The following CNTNAP4 variants were observed in gnomAD, a reference collection of about 807,000 sequenced individuals.
CNTNAP4 encodes the protein contactin-associated protein-like 4.
A neutral mutation model predicts 148.4 loss-of-function variants in CNTNAP4; 98 were observed. That is an observed-to-expected ratio of 0.66 (90% confidence interval 0.56 to 0.78). The LOEUF is 0.78. Ranked by LOEUF, CNTNAP4 falls within the 30% of genes least tolerant of loss-of-function variation. The probability of loss-of-function intolerance (pLI) is 0.00; values close to 1 mark genes in which losing one functional copy is unlikely to be tolerated. For synonymous variants in CNTNAP4, 730 were observed against 565.1 expected, an observed-to-expected ratio of 1.29 and a Z score of -4.14; for missense variants, 1,935 against 1,565.6, an observed-to-expected ratio of 1.24 and a Z score of -3.98.
chr16:76,385,615 A>G (rs1353527247), intron 3 of CNTNAP4, among the ~76,000 whole-genome samples: 5 of 151,594 alleles, frequency 3.3e-5, no homozygotes, highest in African/African-American at 1.2e-4. Flanking sequence ...CGTGGAAATT[A>G]TGTTCTATAA....
intron 3 of CNTNAP4, among the ~76,000 whole-genome samples, chr16:76,362,361 C>G (rs1203685988): frequency 6.6e-6 from 1 of 152,138 alleles, no homozygotes; most frequent in East Asian, 1.9e-4. Context: ...CAATCCCTAT[C>G]AAAATCCCAG....
At chr16:76,440,270 C>G (rs2079983300) in intron 4 of CNTNAP4, among the ~76,000 whole-genome samples, 1 of 152,058 alleles carries the variant, frequency 6.6e-6, no homozygotes, top group Non-Finnish European at 1.5e-5. Context: ...TTTTCAATCA[C>G]TCTTTCATGA....
At chr16:76,431,450 TG>T (rs956323779) in intron 4 of CNTNAP4, among the ~76,000 whole-genome samples, 3 of 151,384 alleles carry the variant, frequency 2.0e-5, no homozygotes, top group Non-Finnish European at 4.4e-5. Context: ...AAGGTGGAGG[TG>T]GGGGGTTACC....
chr16:76,376,822 A>G (rs1181091628), intron 3 of CNTNAP4, among the ~76,000 whole-genome samples: 4 of 152,174 alleles, frequency 2.6e-5, no homozygotes, highest in Admixed American at 2.6e-4. Flanking sequence ...AGAACCATGT[A>G]GAAAAGGAAG....
intron 13 of CNTNAP4, among the ~76,000 whole-genome samples, chr16:76,491,228 T>C (rs772227821): frequency 6.6e-6 from 1 of 152,118 alleles, no homozygotes; most frequent in Non-Finnish European, 1.5e-5. Context: ...CACACCAAAC[T>C]TACCTCCTCC....
intron 4 of CNTNAP4, among the ~76,000 whole-genome samples, chr16:76,446,718 A>G (rs1270622762): frequency 1.3e-5 from 2 of 152,166 alleles, no homozygotes; most frequent in South Asian, 2.1e-4. Flanking sequence ...AAATACTACC[A>G]CTTAGCCACA....
In CNTNAP4 at chr16:76,386,351, C is replaced by T. The variant is rs558977684; in HGVS notation, c.390+30840C>T. Among the ~76,000 whole-genome samples, 37 of 152,184 alleles carry T rather than the reference C, an allele frequency of 2.4e-4. 1 individual carries two copies. Among genetic ancestry groups the T allele is most frequent in the Middle Eastern group, 3.4e-3 (1 of 294 alleles). On this transcript the variant is annotated intron_variant, in intron 3 of 23. Coordinates refer to ENST00000611870, the MANE Select transcript of CNTNAP4 (RefSeq NM_033401.5). ...ATGAGCAATTTTTTAAAATTGGAAA[C>T]TGCCCTTTGCCTTCTCAGTGGTACA... is the stretch of plus-strand genomic sequence containing the variant.
intron 17 of CNTNAP4, among the ~76,000 whole-genome samples, chr16:76,530,958 C>T (rs2083957888): frequency 6.6e-6 from 1 of 152,190 alleles, no homozygotes; most frequent in Admixed American, 6.5e-5. Flanking sequence ...TGGTCCTGGG[C>T]CCAGCCTGCA....
chr16:76,418,411 A>T (rs111841470), intron 3 of CNTNAP4, among the ~76,000 whole-genome samples: 45,522 of 133,780 alleles, frequency 0.34, 7,820 homozygotes, highest in Middle Eastern at 0.49. Context: ...ATATATTTTT[A>T]TTATACTTTA....
chr16:76,302,910 T>A (rs1469029064), intron 1 of CNTNAP4, among the ~76,000 whole-genome samples: 2 of 152,120 alleles, frequency 1.3e-5, no homozygotes, highest in African/African-American at 4.8e-5. Context: ...GCTGGAAACA[T>A]TTGAGTGTCC....
intron 1 of CNTNAP4, among the ~76,000 whole-genome samples, chr16:76,303,288 T>G (rs1370850639): frequency 1.3e-5 from 2 of 152,142 alleles, no homozygotes; most frequent in African/African-American, 4.8e-5. Context: ...GCAGGAAAAT[T>G]CCTTATCACT....
intron 4 of CNTNAP4, among the ~76,000 whole-genome samples, chr16:76,444,295 A>G (rs1460080942): frequency 2.0e-5 from 3 of 152,204 alleles, no homozygotes; most frequent in Non-Finnish European, 4.4e-5. Context: ...GGCCTTAATT[A>G]TTATTCATTC....
chr16:76,352,115 T>G (rs2011870502), intron 2 of CNTNAP4, among the ~76,000 whole-genome samples: 1 of 152,166 alleles, frequency 6.6e-6, no homozygotes, highest in Admixed American at 6.5e-5. Flanking sequence ...GGGCATTTCA[T>G]TCACCCTTTC....
At chr16:76,517,163 A>G (rs1201846269) in intron 15 of CNTNAP4, among the ~76,000 whole-genome samples, 2 of 152,208 alleles carry the variant, frequency 1.3e-5, no homozygotes, top group Non-Finnish European at 2.9e-5. Flanking sequence ...TGACAAAATT[A>G]TAGAAATGAG....
chr16:76,525,258 C>T (rs1422534444), intron 17 of CNTNAP4, among the ~76,000 whole-genome samples: 1 of 151,240 alleles, frequency 6.6e-6, no homozygotes, highest in African/African-American at 2.4e-5. Flanking sequence ...AAAGTTTATA[C>T]TGAATTAGAG....
intron 2 of CNTNAP4, among the ~76,000 whole-genome samples, chr16:76,347,348 C>A (rs1964993957): frequency 2.0e-5 from 3 of 152,200 alleles, no homozygotes; most frequent in Admixed American, 6.5e-5. Context: ...GCAGTAAATA[C>A]TTTTTTAAGC....
intron 9 of CNTNAP4, among the ~76,000 whole-genome samples, chr16:76,465,581 A>G (rs757511798): frequency 6.6e-6 from 1 of 152,166 alleles, no homozygotes. Context: ...AGAGTTATTT[A>G]TATGCCTGGC....
intron 10 of CNTNAP4, 26 bp from the exon 11 acceptor site, chr16:76,475,913 G>T: frequency 6.5e-7 from 1 of 1,533,426 alleles, no homozygotes; most frequent in East Asian, 2.2e-5. Context: ...ATGGAAACTG[G>T]TGATTGTATC....
rs1357514101 is a variant in CNTNAP4, at chr16:76,355,416, G to A, written c.295G>A (p.Gly99Arg). Reference protein sequence around the residue: ...MEVTAVATQGGYGSSNWVTSY... With the variant: ...MEVTAVATQGRYGSSNWVTSY... ...GGTCACCGCTGTGGCCACTCAAGGG[G>A]GATATGGTAGCTCCAACTGGGTGAC... The change falls in exon 3 of 24, where the codon GGA (glycine) becomes AGA (arginine). Residue 99 changes from glycine to arginine, a missense_variant. Coordinates refer to ENST00000611870, the MANE Select transcript of CNTNAP4 (RefSeq NM_033401.5). 5 of 1,612,462 alleles carry A rather than the reference G, an allele frequency of 3.1e-6. No individual in the cohort carries two copies. Among genetic ancestry groups the A allele is most frequent in the Non-Finnish European group, 3.4e-6 (4 of 1,179,128 alleles).
Sources: allele counts gnomAD v4.1 joint callset (sites outside exome capture counted in the v4.1 genomes callset), GRCh38; gene constraint gnomAD v4.1.1; transcripts MANE v1.5; gene names NCBI Gene and HGNC (gene_info 2026-07-23, HGNC 2026-07-21).